TENM3: variants seen among roughly 807,000 people sequenced by gnomAD.
TENM3 encodes the protein teneurin-3.
Under a neutral mutation model 255.1 loss-of-function variants are expected in TENM3, and 63 were observed. The observed-to-expected ratio is 0.25, with a 90% CI of 0.20 to 0.30. The LOEUF is 0.30. Among genes scored for constraint, TENM3 ranks in the 10% least tolerant of loss-of-function variants. The pLI is 1.00. For synonymous variants in TENM3, 1,306 were observed against 1,322.3 expected (o/e 0.99, Z 0.27); for missense variants, 2,929 against 3,461.1 (o/e 0.85, Z 3.86).
At chr4:181,477,099 CATT>C in the TENM3 span, among the ~76,000 whole-genome samples, 1 of 150,024 alleles carries the variant, frequency 6.7e-6, no homozygotes, top group African/African-American at 2.5e-5. Flanking sequence ...TTCATTCATT[CATT>C]CATCTATTTA....
In TENM3 at chr4:182,300,851, A is replaced by G. The variant is rs144337762; in HGVS notation, c.-75-23095A>G. ...AACATGATGATGGACTTTCCATTTT[A>G]TACACAATTCTATTTAATGATGAAT... On this transcript the variant is annotated intron_variant, in intron 1 of 27. Coordinates refer to ENST00000511685, the MANE Select transcript of TENM3 (RefSeq NM_001080477.4). Among the ~76,000 whole-genome samples, 109 of 152,326 alleles carry G rather than the reference A, an allele frequency of 7.2e-4. 1 individual carries two copies. Among genetic ancestry groups the G allele is most frequent in the Middle Eastern group, 3.4e-3 (1 of 294 alleles).
In TENM3 at chr4:182,729,363, C is replaced by T. The variant is rs6822228; in HGVS notation, c.2585+182C>T. 0.061 allele frequency among the ~76,000 whole-genome samples: 9,281 copies of T among 152,248 alleles called. 361 individuals carry two copies. Among genetic ancestry groups the T allele is most frequent in the Middle Eastern group, 0.15 (44 of 294 alleles). On this transcript the variant is annotated intron_variant, in intron 14 of 27. Transcript: ENST00000511685. ...AAGCATTTTTGACACAGTTCACATACTTTGTCAATTTCAGTACCTGAGACA... is the reference window on the plus strand; with the variant it reads ...AAGCATTTTTGACACAGTTCACATATTTTGTCAATTTCAGTACCTGAGACA...
At chr4:181,746,265 AG>A in the TENM3 span, among the ~76,000 whole-genome samples, 1 of 152,150 alleles carries the variant, frequency 6.6e-6, no homozygotes, top group Middle Eastern at 3.2e-3. Context: ...GAGTGGTTAA[AG>A]AAGAGTGGAG....
At position 182,730,443 on chromosome 4, in the gene TENM3, A is replaced by C. The variant is rs60528592; in HGVS notation, c.2705+124A>C. ...AATGCAGCAACTTTTTAGACTCTAC[A>C]AACTTGTGACAGTACATATGGCAGA... On this transcript the variant is annotated intron_variant, in intron 15 of 27. Coordinates refer to ENST00000511685, the MANE Select transcript of TENM3 (RefSeq NM_001080477.4). 0.053 allele frequency: 57,361 copies of C among 1,076,124 alleles called. 1,852 individuals carry two copies. Among genetic ancestry groups the C allele is most frequent in the African/African-American group, 0.096 (6,126 of 63,614 alleles). 66.7% of individuals were successfully genotyped at this position (1,076,124 alleles called of 1,614,324 possible).
At chr4:182,020,232 G>C in the TENM3 span, among the ~76,000 whole-genome samples, 1 of 151,946 alleles carries the variant, frequency 6.6e-6, no homozygotes, top group Non-Finnish European at 1.5e-5. Flanking sequence ...TGGGCGTGGT[G>C]GTGGGAGCCT....
At chr4:182,550,132 A>G (rs572259648) in intron 3 of TENM3, among the ~76,000 whole-genome samples, 1 of 152,362 alleles carries the variant, frequency 6.6e-6, no homozygotes, top group South Asian at 2.1e-4. Flanking sequence ...AATTATGTGG[A>G]AAGTTTACGT....
At chr4:182,402,726 G>A (rs1769292655) in intron 3 of TENM3, among the ~76,000 whole-genome samples, 1 of 152,150 alleles carries the variant, frequency 6.6e-6, no homozygotes, top group Non-Finnish European at 1.5e-5. Flanking sequence ...TGTGAACAAA[G>A]AGATGAGAGA....
chr4:181,658,441 T>A, the TENM3 span, among the ~76,000 whole-genome samples: 1 of 152,104 alleles, frequency 6.6e-6, no homozygotes, highest in Non-Finnish European at 1.5e-5. Flanking sequence ...AACCTGAAAC[T>A]TCTCTTAGCC....
chr4:182,276,296 G>A (rs772979308), intron 1 of TENM3, among the ~76,000 whole-genome samples: 4 of 152,286 alleles, frequency 2.6e-5, no homozygotes, highest in East Asian at 1.9e-4. Flanking sequence ...CTTTTATCAC[G>A]TGAAAAGAAT....
chr4:182,273,671 A>G (rs563318450), intron 1 of TENM3, among the ~76,000 whole-genome samples: 1 of 152,332 alleles, frequency 6.6e-6, no homozygotes, highest in Non-Finnish European at 1.5e-5. Flanking sequence ...CAATTAAAGA[A>G]AAATCAGGAC....
intron 1 of TENM3, among the ~76,000 whole-genome samples, chr4:182,154,632 C>T (rs1750579834): frequency 6.6e-6 from 1 of 152,110 alleles, no homozygotes; most frequent in Admixed American, 6.5e-5. Context: ...TTGCGGGGTA[C>T]TCAGTCATTT....
the TENM3 span, among the ~76,000 whole-genome samples, chr4:181,546,481 C>T: frequency 2.6e-5 from 4 of 151,276 alleles, no homozygotes; most frequent in East Asian, 2.0e-4. Flanking sequence ...TTTGGGAGGC[C>T]GAGGCGGCTG....
At chr4:182,058,964 G>GTGTGTGTGTA in the TENM3 span, among the ~76,000 whole-genome samples, 18 of 151,554 alleles carry the variant, frequency 1.2e-4, no homozygotes, top group African/African-American at 4.4e-4. Flanking sequence ...GTGTGTGTGT[G>GTGTGTGTGTA]TGTGTGTGTG....
At chr4:181,833,271 G>A in the TENM3 span, among the ~76,000 whole-genome samples, 1 of 151,978 alleles carries the variant, frequency 6.6e-6, no homozygotes, top group East Asian at 1.9e-4. Context: ...TCACTAGCCC[G>A]GTTCATTCCA....
intron 2 of TENM3, among the ~76,000 whole-genome samples, 192 bp downstream of exon 2, chr4:182,324,444 C>T (rs2150505877): frequency 6.6e-6 from 1 of 152,328 alleles, no homozygotes; most frequent in African/African-American, 2.4e-5. Flanking sequence ...CACATTGGTG[C>T]CCCAGGCACA....
At chr4:181,667,778 G>C in the TENM3 span, among the ~76,000 whole-genome samples, 2 of 152,078 alleles carry the variant, frequency 1.3e-5, no homozygotes, top group African/African-American at 4.8e-5. Flanking sequence ...CTCACAGAAT[G>C]GGCTAAGACA....
chr4:181,652,308 G>A, the TENM3 span, among the ~76,000 whole-genome samples: 1 of 152,044 alleles, frequency 6.6e-6, no homozygotes, highest in South Asian at 2.1e-4. Flanking sequence ...AGTCAGTAAG[G>A]GCACAATAAG....
At chr4:181,672,496 G>GA in the TENM3 span, among the ~76,000 whole-genome samples, 3 of 152,114 alleles carry the variant, frequency 2.0e-5, no homozygotes, top group African/African-American at 7.2e-5. Context: ...TCACTTCCCT[G>GA]AAAATCCTTG....
At position 182,375,610 on chromosome 4, in the gene TENM3, C is replaced by T. The variant is rs370111223; in HGVS notation, c.511+28681C>T. On this transcript the variant is annotated intron_variant, in intron 3 of 27. Transcript: ENST00000511685. ...AGGCTGGAGTGCAGTGGCGCAGTCT[C>T]GGCTCACTGCAGCCTACACCTCCCA... 1.8e-4 allele frequency among the ~76,000 whole-genome samples: 27 copies of T among 152,228 alleles called. No homozygotes were observed. The South Asian group carries it at 5.6e-3, about 32-fold the overall frequency.
Sources: gnomAD v4.1 joint callset for allele counts (sites outside exome capture counted in the v4.1 genomes callset) on GRCh38, gnomAD v4.1.1 for gene constraint, MANE v1.5 for transcripts, NCBI Gene and HGNC (gene_info 2026-07-23, HGNC 2026-07-21) for gene names.